METTL13: variants seen among roughly 807,000 people sequenced by gnomAD.
METTL13 encodes the protein eEF1A lysine and N-terminal methyltransferase.
In METTL13, 52 loss-of-function variants were observed where a neutral mutation model predicts 67.4. That is an observed-to-expected ratio of 0.77 (90% CI 0.62 to 0.97). METTL13 has a LOEUF of 0.97. Among genes scored for constraint, METTL13 ranks in the 50% least tolerant of loss-of-function variants. METTL13 has a pLI of 0.00. For synonymous variants in METTL13, 354 were observed against 353.6 expected (o/e 1.00, Z -0.01); for missense variants, 825 against 889.6 (o/e 0.93, Z 0.92).
At position 171,796,477 on chromosome 1, in the gene METTL13, T is replaced by C; in HGVS notation, c.1826-5T>C. The C allele has an allele frequency of 6.2e-7, 1 of 1,614,130 alleles. No individual in the cohort carries two copies. Among genetic ancestry groups the C allele is most frequent in the East Asian group, 2.2e-5 (1 of 44,882 alleles). On this transcript the variant is annotated splice_region_variant and splice_polypyrimidine_tract_variant and intron_variant, in intron 7 of 7. Coordinates refer to ENST00000361735, the MANE Select transcript of METTL13 (RefSeq NM_015935.5). ...GTCATTCTGACTTTTCTTCCTACCC[T>C]ATAGGTGTTTTTATTCTCAACCTTG...
intron 7 of METTL13, among the ~76,000 whole-genome samples, chr1:171,794,982 G>A (rs1396117073): frequency 6.6e-6 from 1 of 152,078 alleles, no homozygotes; most frequent in Non-Finnish European, 1.5e-5. Flanking sequence ...ACCATGCCTG[G>A]CTAATTTTTT....
intron 5 of METTL13, among the ~76,000 whole-genome samples, chr1:171,791,785 A>AATAAT (rs1464507291): frequency 6.6e-6 from 1 of 152,136 alleles, no homozygotes; most frequent in African/African-American, 2.4e-5. Flanking sequence ...TTTAAGAGAC[A>AATAAT]ATAATAATAA....
chr1:171,787,732 C>G lies in METTL13; in HGVS notation c.1114-3C>G. 6.2e-7 allele frequency: 1 copy of G among 1,609,658 alleles called. No homozygotes were observed. Among genetic ancestry groups the G allele is most frequent in the Non-Finnish European group, 8.5e-7 (1 of 1,176,356 alleles). On this transcript the variant is annotated splice_region_variant and splice_polypyrimidine_tract_variant and intron_variant, in intron 3 of 7. Coordinates refer to ENST00000361735, the MANE Select transcript of METTL13 (RefSeq NM_015935.5). ...TTGACCACATCTCTGGTTGTACCTT[C>G]AGGTCCCCTTTCTGTCTGTGGGTGG... is the stretch of plus-strand genomic sequence containing the variant.
Position 171,781,857 on chromosome 1 carries a change from A to C in METTL13, c.-111A>C. The stretch of plus-strand genomic sequence containing the variant: ...AATCAATGTGGCTGTTTTTCCGTGG[A>C]AAGAATTCCCACTGCAGTGTCCCGG... On this transcript the variant is annotated 5_prime_UTR_variant, in exon 1 of 8. Transcript: ENST00000361735. The C allele has an allele frequency of 6.5e-7, 1 of 1,526,940 alleles. No individual in the cohort carries two copies. Among genetic ancestry groups the C allele is most frequent in the Non-Finnish European group, 8.8e-7 (1 of 1,138,406 alleles). 94.6% of individuals were successfully genotyped at this position (1,526,940 alleles called of 1,614,324 possible).
intron 3 of METTL13, among the ~76,000 whole-genome samples, chr1:171,786,435 C>T (rs922620065): frequency 4.6e-5 from 7 of 152,152 alleles, no homozygotes; most frequent in African/African-American, 1.7e-4. Flanking sequence ...TTAGAACTAT[C>T]ATTATCTGAG....
chr1:171,787,808 G>A lies in METTL13; in HGVS notation c.1187G>A (p.Gly396Asp), dbSNP rs769152897. 1 of 1,614,084 alleles carries A rather than the reference G, an allele frequency of 6.2e-7. No homozygotes were observed. The highest frequency in any genetic ancestry group is 1.1e-5 in the South Asian group (1 of 91,088). Residue 396 changes from glycine (G) to aspartate (D), a missense_variant, in exon 4 of 8, where the codon GGT becomes GAT. Transcript: ENST00000361735. Reference protein sequence around the residue: ...VQHQDCSPLSGDYVIEDVQGD... With the variant: ...VQHQDCSPLSDDYVIEDVQGD... ...CACCAAGACTGCAGCCCCTTGAGCG[G>A]TGACTATGTCATTGAGGATGTGCAA...
Position 171,796,110 on chromosome 1 carries a change from G to A in METTL13, c.1826-372G>A, listed in dbSNP as rs1020527176. Among the ~76,000 whole-genome samples the A allele has an allele frequency of 9.9e-5, 15 of 152,046 alleles. No individual in the cohort carries two copies. In the South Asian group the frequency reaches 2.9e-3, roughly 30 times the overall value. On this transcript the variant is annotated intron_variant, in intron 7 of 7. Transcript: ENST00000361735. ...TCAAACTCCTGACTTCGAGTGATCC[G>A]CCTGCCTCAGCCTCCCAAAGTGATG...
chr1:171,790,455 A>G lies in METTL13; in HGVS notation c.1313A>G (p.Gln438Arg). 1.3e-6 allele frequency: 2 copies of G among 1,592,918 alleles called. No individual in the cohort carries two copies. Among genetic ancestry groups the G allele is most frequent in the Non-Finnish European group, 1.7e-6 (2 of 1,171,654 alleles). ...RLLKDVSHKAQKKRKKDRKKQ... is the reference protein window; with the variant it reads ...RLLKDVSHKARKKRKKDRKKQ... ...GGGCTTCATATCTCTTGTTTAGCCCAGAAGAAGCGGAAAAAGGACAGGAAG... is the reference window on the plus strand; with the variant it reads ...GGGCTTCATATCTCTTGTTTAGCCCGGAAGAAGCGGAAAAAGGACAGGAAG... The change falls in exon 5 of 8, where the codon CAG (glutamine) becomes CGG (arginine). Residue 438 changes from glutamine to arginine, a missense_variant. Coordinates refer to ENST00000361735, the MANE Select transcript of METTL13 (RefSeq NM_015935.5).
chr1:171,788,074 G>A (rs1657085146), intron 4 of METTL13, 144 bp downstream of exon 4: 1 of 740,700 alleles, frequency 1.4e-6, no homozygotes, highest in East Asian at 2.7e-5. Context: ...ATAGCTATAA[G>A]CAGAGTACAT....
Position 171,796,659 on chromosome 1 carries a change from C to T in METTL13, c.2003C>T (p.Thr668Ile), listed in dbSNP as rs187657008. The change falls in exon 8 of 8, where the codon ACA (threonine) becomes ATA (isoleucine). Residue 668 changes from threonine to isoleucine, a missense_variant. Transcript: ENST00000361735. ...QKLATPELLE[T>I]AQALERTLRK... The stretch of plus-strand genomic sequence containing the variant: ...CTTGCCACACCAGAGCTCCTAGAAA[C>T]AGCCCAGGCTTTGGAGCGGACCCTG... The T allele has an allele frequency of 1.5e-5, 25 of 1,614,186 alleles. No homozygotes were observed. In the Admixed American group the frequency reaches 3.5e-4, roughly 23 times the overall value.
intron 4 of METTL13, 99 bp from the exon 5 acceptor site, chr1:171,790,353 C>A: frequency 1.5e-6 from 2 of 1,305,414 alleles, no homozygotes; most frequent in Non-Finnish European, 2.0e-6. Flanking sequence ...ACGATTGGGT[C>A]TTTTGAGTGT....
In METTL13 at chr1:171,784,391, T is replaced by A; in HGVS notation, c.805T>A (p.Ser269Thr). The change falls in exon 2 of 8, where the codon TCT becomes ACT. Residue 269 changes from serine to threonine, a missense_variant. Physicochemically the swap from Ser to Thr is moderately conservative, Grantham distance 58. Coordinates refer to ENST00000361735, the MANE Select transcript of METTL13 (RefSeq NM_015935.5). Reference protein sequence around the residue: ...LRRKARLGSVSLDLCDGDTGE... With the variant: ...LRRKARLGSVTLDLCDGDTGE... ...CCGCAAGGCCAGGCTGGGGAGTGTGTCTCTGGACTTGTGCGATGGGGACAC... is the reference window on the plus strand; with the variant it reads ...CCGCAAGGCCAGGCTGGGGAGTGTGACTCTGGACTTGTGCGATGGGGACAC... The A allele has an allele frequency of 6.4e-7, 1 of 1,562,058 alleles. No individual in the cohort carries two copies. Among genetic ancestry groups the A allele is most frequent in the Non-Finnish European group, 8.7e-7 (1 of 1,154,570 alleles).
chr1:171,784,533 G>T lies in METTL13; in HGVS notation c.913+34G>T, dbSNP rs768677199. ...GGATTGCTCCCTCTCTTCCCTGGAGGGGCTGGCTTACAGGGGCTGGGGCTT... is the reference window on the plus strand; with the variant it reads ...GGATTGCTCCCTCTCTTCCCTGGAGTGGCTGGCTTACAGGGGCTGGGGCTT... On this transcript the variant is annotated intron_variant, in intron 2 of 7. Coordinates refer to ENST00000361735, the MANE Select transcript of METTL13 (RefSeq NM_015935.5). 4.1e-6 allele frequency: 6 copies of T among 1,475,544 alleles called. No homozygotes were observed. The Admixed American group carries it at 1.6e-4, about 39-fold the overall frequency. 91.4% of individuals were successfully genotyped at this position (1,475,544 alleles called of 1,614,324 possible).
intron 4 of METTL13, 39 bp from the exon 5 acceptor site, chr1:171,790,413 C>T (rs1657164217): frequency 1.3e-6 from 2 of 1,492,832 alleles, no homozygotes; most frequent in African/African-American, 1.4e-5. Flanking sequence ...TTCCTGAGGA[C>T]TAGTGTACTA....
intron 2 of METTL13, among the ~76,000 whole-genome samples, chr1:171,785,426 A>G (rs1197596307): frequency 6.6e-6 from 1 of 152,206 alleles, no homozygotes; most frequent in East Asian, 1.9e-4. Flanking sequence ...CCTGGGTTTG[A>G]GTCCCAGCTT....
At position 171,794,519 on chromosome 1, in the gene METTL13, C is replaced by T. The variant is rs758428566; in HGVS notation, c.1817C>T (p.Thr606Ile). 7 of 1,614,180 alleles carry T rather than the reference C, an allele frequency of 4.3e-6. No homozygotes were observed. The highest frequency in any genetic ancestry group is 1.1e-5 in the South Asian group (1 of 91,086). ...SFLQKVKSIL[T>I]PEGVFILNLV... ...CTACAGAAGGTTAAAAGCATCTTGA[C>T]TCCTGAAGGTATGGAGAACAAAAGG... The change falls in exon 7 of 8, where the codon ACT becomes ATT. Residue 606 changes from threonine (T) to isoleucine (I), a missense_variant. Transcript: ENST00000361735.
chr1:171,784,434 C>T lies in METTL13; in HGVS notation c.848C>T (p.Thr283Ile), dbSNP rs761268418. Reference protein sequence around the residue: ...CDGDTGEPRYTLHVVDSPTVK... With the variant: ...CDGDTGEPRYILHVVDSPTVK... Reference sequence around the variant, plus strand: ...GGGGACACGGGGGAGCCACGCTACACCCTCCACGTGGTGGACAGCCCCACT... The same window carrying T: ...GGGGACACGGGGGAGCCACGCTACATCCTCCACGTGGTGGACAGCCCCACT... Residue 283 changes from threonine (T) to isoleucine (I), a missense_variant, in exon 2 of 8, where the codon ACC becomes ATC. Transcript: ENST00000361735. 2.0e-6 allele frequency: 3 copies of T among 1,519,596 alleles called. No homozygotes were observed. The highest frequency in any genetic ancestry group is 2.6e-6 in the Non-Finnish European group (3 of 1,135,336). 94.1% of individuals were successfully genotyped at this position (1,519,596 alleles called of 1,614,324 possible). A position where few individuals can be genotyped will look rare whatever the true frequency, so the allele number is the denominator to read the frequency against.
At position 171,784,456 on chromosome 1, in the gene METTL13, C is replaced by A. The variant is rs763015337; in HGVS notation, c.870C>A (p.Pro290=). 7 of 1,509,828 alleles carry A rather than the reference C, an allele frequency of 4.6e-6. No individual in the cohort carries two copies. Among genetic ancestry groups the A allele is most frequent in the Non-Finnish European group, 6.2e-6 (7 of 1,130,172 alleles). The allele number at this position is 1,509,828 out of a possible 1,614,324, so 93.5% of individuals were successfully genotyped here. The stretch of plus-strand genomic sequence containing the variant: ...ACACCCTCCACGTGGTGGACAGCCC[C>A]ACTGTGAAACCATCGCGGGACAATC... ...PRYTLHVVDS[P]TVKPSRDNHF... The change falls in exon 2 of 8, where the codon CCC becomes CCA. Residue 290 remains proline (P), a synonymous_variant. Coordinates refer to ENST00000361735, the MANE Select transcript of METTL13 (RefSeq NM_015935.5).
chr1:171,784,182 A>T lies in METTL13; in HGVS notation c.596A>T (p.Gln199Leu). The T allele has an allele frequency of 6.2e-7, 1 of 1,614,220 alleles. No homozygotes were observed. ...GACCAGGTGTTGGAAGCAGAGCCTCAGTTCTCCTTGCCTGTCTTTGCCTTC... is the reference window on the plus strand; with the variant it reads ...GACCAGGTGTTGGAAGCAGAGCCTCTGTTCTCCTTGCCTGTCTTTGCCTTC... Reference protein sequence around the residue: ...SQDQVLEAEPQFSLPVFAFIM... With the variant: ...SQDQVLEAEPLFSLPVFAFIM... Residue 199 changes from glutamine to leucine, a missense_variant, in exon 2 of 8, where the codon CAG becomes CTG. Coordinates refer to ENST00000361735, the MANE Select transcript of METTL13 (RefSeq NM_015935.5).
Sources: allele counts gnomAD v4.1 joint callset (sites outside exome capture counted in the v4.1 genomes callset), GRCh38; gene constraint gnomAD v4.1.1; transcripts MANE v1.5; gene names NCBI Gene and HGNC (gene_info 2026-07-23, HGNC 2026-07-21).